Variants in SLC5A10 observed in about 807,000 individuals in gnomAD.
SLC5A10 encodes the protein solute carrier family 5 member 10.
Under a neutral mutation model 68.9 loss-of-function variants are expected in SLC5A10, and 55 were observed. The ratio of observed to expected loss-of-function variants is 0.80; its 90% CI spans 0.64 to 1.00. The LOEUF (loss-of-function observed/expected upper bound fraction) is 1.00, where lower values mean the gene tolerates loss of function less well. Among genes scored for constraint, SLC5A10 ranks in the 50% least tolerant of loss-of-function variants. The probability of loss-of-function intolerance (pLI) is 0.00; values close to 1 mark genes in which losing one functional copy is unlikely to be tolerated. For missense variants in SLC5A10, 732 were observed against 819.3 expected (o/e 0.89, Z 1.30); for synonymous variants, 344 against 344.8 (o/e 1.00, Z 0.02).
At chr17:18,961,393 C>G (rs1329413999) in intron 5 of SLC5A10, among the ~76,000 whole-genome samples, 1 of 152,108 alleles carries the variant, frequency 6.6e-6, no homozygotes, top group Non-Finnish European at 1.5e-5. Flanking sequence ...CTGACACTAG[C>G]CCCTGCGACC....
chr17:18,974,011 GCCT>G (rs1339567904), intron 8 of SLC5A10, among the ~76,000 whole-genome samples: 1 of 149,836 alleles, frequency 6.7e-6, no homozygotes, highest in Non-Finnish European at 1.5e-5. Flanking sequence ...TCCTGCCTCA[GCCT>G]CCTAAGTAGT....
At position 18,971,288 on chromosome 17, in the gene SLC5A10, C is replaced by T; in HGVS notation, c.846+70C>T. On this transcript the variant is annotated intron_variant, in intron 8 of 14. Transcript: ENST00000395645. The surrounding 1 kb of genome is among the most constrained non-coding windows in gnomAD (Gnocchi z 5.5). The stretch of plus-strand genomic sequence containing the variant: ...AGTGGGCTCTGGTAGGCCCAGGCGG[C>T]CTGTCTGCCCTCCGCGTCATGAGTC... The T allele has an allele frequency of 6.2e-7, 1 of 1,609,502 alleles. No individual in the cohort carries two copies. The highest frequency in any genetic ancestry group is 8.5e-7 in the Non-Finnish European group (1 of 1,176,924).
At position 19,004,390 on chromosome 17, in the gene SLC5A10, T is replaced by A. The variant is rs2043823530; in HGVS notation, c.983-9020T>A. Reference sequence around the variant, plus strand: ...GCCACGTCCCAGGGCTCAGCGTGCCTCTACGTGCAGGGAACCCATATCCCA... The same window carrying A: ...GCCACGTCCCAGGGCTCAGCGTGCCACTACGTGCAGGGAACCCATATCCCA... On this transcript the variant is annotated intron_variant, in intron 9 of 14. Coordinates refer to ENST00000395645, the MANE Select transcript of SLC5A10 (RefSeq NM_001042450.4). This position sits in a 1 kb window ranked among gnomAD's most constrained non-coding sequence, Gnocchi z 5.4. Among the ~76,000 whole-genome samples the A allele has an allele frequency of 6.6e-6, 1 of 152,092 alleles. No homozygotes were observed. The highest frequency in any genetic ancestry group is 2.1e-4 in the South Asian group (1 of 4,830).
At position 19,020,681 on chromosome 17, in the gene SLC5A10, G is replaced by A. The variant is rs912063036; in HGVS notation, c.*250G>A. 1.8e-5 allele frequency: 10 copies of A among 544,440 alleles called. No individual in the cohort carries two copies. The highest frequency in any genetic ancestry group is 3.8e-5 in the African/African-American group (2 of 52,878). The allele number at this position is 544,440 out of a possible 1,614,324, so 33.7% of individuals were successfully genotyped here. On this transcript the variant is annotated 3_prime_UTR_variant, in exon 15 of 15. Coordinates refer to ENST00000395645, the MANE Select transcript of SLC5A10 (RefSeq NM_001042450.4). The stretch of plus-strand genomic sequence containing the variant: ...TTGGAAGGAAAATTAGATTTCTGAC[G>A]GACATCCTGATGTTGGTTTTACTGT...
rs2044168230 is a variant in SLC5A10 at position 19,017,622 on chromosome 17, C to T, written c.1242-1801C>T. 1.9e-6 allele frequency: 1 copy of T among 527,794 alleles called. No individual in the cohort carries two copies. Among genetic ancestry groups the T allele is most frequent in the Non-Finnish European group, 3.4e-6 (1 of 291,132 alleles). The allele number at this position is 527,794 out of a possible 1,614,324, so 32.7% of individuals were successfully genotyped here. A position where few individuals can be genotyped will look rare whatever the true frequency, so the allele number is the denominator to read the frequency against. Reference sequence around the variant, plus strand: ...CCCGTATGCCTGCCCCAAGCCCCCACACCTCAGTCCACTGTTCCGCCACTG... The same window carrying T: ...CCCGTATGCCTGCCCCAAGCCCCCATACCTCAGTCCACTGTTCCGCCACTG... On this transcript the variant is annotated intron_variant, in intron 11 of 14. Coordinates refer to ENST00000395645, the MANE Select transcript of SLC5A10 (RefSeq NM_001042450.4). This position sits in a 1 kb window ranked among gnomAD's most constrained non-coding sequence, Gnocchi z 5.6.
chr17:19,015,206 G>T lies in SLC5A10; in HGVS notation c.1241+7G>T. The T allele has an allele frequency of 1.4e-6, 2 of 1,469,320 alleles. No individual in the cohort carries two copies. The highest frequency in any genetic ancestry group is 4.5e-5 in the East Asian group (2 of 44,426). 91.0% of individuals were successfully genotyped at this position (1,469,320 alleles called of 1,614,324 possible). ...AGCTCCTGCTGGTGGGACGGTACGGGGGTGGGGGCCAGTACGGGGGTGGGG... is the reference window on the plus strand; with the variant it reads ...AGCTCCTGCTGGTGGGACGGTACGGTGGTGGGGGCCAGTACGGGGGTGGGG... On this transcript the variant is annotated splice_region_variant and intron_variant, in intron 11 of 14. Coordinates refer to ENST00000395645, the MANE Select transcript of SLC5A10 (RefSeq NM_001042450.4).
chr17:18,982,507 G>A (rs1388714302), intron 9 of SLC5A10, among the ~76,000 whole-genome samples: 1 of 152,246 alleles, frequency 6.6e-6, no homozygotes, highest in Non-Finnish European at 1.5e-5. Flanking sequence ...CAAGAGGGGT[G>A]CCCTGGAAAA....
intron 9 of SLC5A10, among the ~76,000 whole-genome samples, chr17:18,984,152 C>T (rs983477302): frequency 2.0e-5 from 3 of 152,004 alleles, no homozygotes; most frequent in African/African-American, 7.2e-5. Flanking sequence ...ACCATCCTGG[C>T]TAACACGGTG....
intron 9 of SLC5A10, among the ~76,000 whole-genome samples, chr17:19,005,443 T>C (rs2043858641): frequency 6.6e-6 from 1 of 152,102 alleles, no homozygotes; most frequent in Non-Finnish European, 1.5e-5. Context: ...AGGCAGGCTT[T>C]GAGGGTGGGA....
chr17:18,975,980 G>A (rs1302296238), intron 8 of SLC5A10: 2 of 151,980 alleles, frequency 1.3e-5, no homozygotes, highest in African/African-American at 4.8e-5. Context: ...GAGGTCAGGA[G>A]ATCAAGACCA....
chr17:19,021,873 C>T lies in SLC5A10; in HGVS notation c.*1442C>T, dbSNP rs1200913076. ...AGGCCGTCCACTGAGCCCCGTGTGACTCTGACAGAGCTGGGGGTGTCCATG... is the reference window on the plus strand; with the variant it reads ...AGGCCGTCCACTGAGCCCCGTGTGATTCTGACAGAGCTGGGGGTGTCCATG... On this transcript the variant is annotated 3_prime_UTR_variant, in exon 15 of 15. Transcript: ENST00000395645. This position sits in a 1 kb window ranked among gnomAD's most constrained non-coding sequence, Gnocchi z 4.1. 1 of 1,353,740 alleles carries T rather than the reference C, an allele frequency of 7.4e-7. No homozygotes were observed. The highest frequency in any genetic ancestry group is 3.3e-5 in the Admixed American group (1 of 30,186). The allele number at this position is 1,353,740 out of a possible 1,614,324, so 83.9% of individuals were successfully genotyped here. A position where few individuals can be genotyped will look rare whatever the true frequency, so the allele number is the denominator to read the frequency against.
At chr17:19,011,525 A>G (rs566291887) in intron 9 of SLC5A10, among the ~76,000 whole-genome samples, 1 of 152,094 alleles carries the variant, frequency 6.6e-6, no homozygotes, top group African/African-American at 2.4e-5. Flanking sequence ...AGGTGGGGGT[A>G]GGGAGGAGGG....
At position 19,003,606 on chromosome 17, in the gene SLC5A10, G is replaced by A. The variant is rs373051640; in HGVS notation, c.983-9804G>A. The A allele has an allele frequency of 3.7e-6, 6 of 1,611,240 alleles. No homozygotes were observed. In the African/African-American group the frequency reaches 4.0e-5, roughly 11 times the overall value. ...GGGGGCTGCATGTAGACGCTAGCCC[G>A]GGTCACGCCGCGGTAGGCGATGGTG... On this transcript the variant is annotated intron_variant, in intron 9 of 14. Coordinates refer to ENST00000395645, the MANE Select transcript of SLC5A10 (RefSeq NM_001042450.4). The surrounding 1 kb of genome is among the most constrained non-coding windows in gnomAD (Gnocchi z 4.5).
chr17:18,952,100 T>C, upstream of SLC5A10: 3 of 1,482,258 alleles, frequency 2.0e-6, no homozygotes, highest in South Asian at 1.3e-5. Context: ...GATGCCACTG[T>C]CCGCTTGGTT....
intron 9 of SLC5A10, among the ~76,000 whole-genome samples, chr17:18,987,544 T>C (rs890247325): frequency 6.6e-6 from 1 of 151,744 alleles, no homozygotes; most frequent in African/African-American, 2.4e-5. Flanking sequence ...GTTGGACCAA[T>C]GAGATCCTGT....
In SLC5A10 at chr17:19,019,243, G is replaced by A. The variant is rs140115535; in HGVS notation, c.1242-180G>A. 7.3e-5 allele frequency: 50 copies of A among 682,092 alleles called. No individual in the cohort carries two copies. The East Asian group carries it at 1.4e-3, about 18-fold the overall frequency. The allele number at this position is 682,092 out of a possible 1,614,324, so 42.3% of individuals were successfully genotyped here. ...CTGCAGGATCCAGGGAGCCACCAAA[G>A]GGTTTGGAGCAGGGCAGGACTGGCC... is the stretch of plus-strand genomic sequence containing the variant. On this transcript the variant is annotated intron_variant, in intron 11 of 14. Transcript: ENST00000395645.
rs748136761 is a variant in SLC5A10, at chr17:19,003,843, T to G, written c.983-9567T>G. 3.7e-6 allele frequency: 6 copies of G among 1,612,984 alleles called. No homozygotes were observed. In the East Asian group the frequency reaches 1.3e-4, roughly 36 times the overall value. On this transcript the variant is annotated intron_variant, in intron 9 of 14. Coordinates refer to ENST00000395645, the MANE Select transcript of SLC5A10 (RefSeq NM_001042450.4). The surrounding 1 kb of genome is among the most constrained non-coding windows in gnomAD (Gnocchi z 4.5). ...TCGTACACCTCGATGGTCTCCAGGATGCGCTTGAGCTCCAGCTCCGAGAGG... is the reference window on the plus strand; with the variant it reads ...TCGTACACCTCGATGGTCTCCAGGAGGCGCTTGAGCTCCAGCTCCGAGAGG...
In SLC5A10 at chr17:18,971,690, A is replaced by G. The variant is rs772307364; in HGVS notation, c.846+472A>G. The stretch of plus-strand genomic sequence containing the variant: ...AGAGCGGTACCTAGGGGGTCCTGGG[A>G]AGCCGTCTTTATCCCTAGTCCCTGA... On this transcript the variant is annotated intron_variant, in intron 8 of 14. Transcript: ENST00000395645. The surrounding 1 kb of genome is among the most constrained non-coding windows in gnomAD (Gnocchi z 5.5). 3.7e-6 allele frequency: 6 copies of G among 1,608,326 alleles called. No homozygotes were observed. The highest frequency in any genetic ancestry group is 1.7e-4 in the Middle Eastern group (1 of 6,040).
At chr17:18,984,859 C>T (rs1267381941) in intron 9 of SLC5A10, among the ~76,000 whole-genome samples, 3 of 152,228 alleles carry the variant, frequency 2.0e-5, no homozygotes, top group Non-Finnish European at 1.5e-5. Context: ...TTGGGGTGGT[C>T]ATTCCCATAC....
Sources: allele counts gnomAD v4.1 joint callset (sites outside exome capture counted in the v4.1 genomes callset), GRCh38; gene constraint gnomAD v4.1.1; non-coding constraint Gnocchi (gnomAD v3.1); transcripts MANE v1.5; gene names NCBI Gene and HGNC (gene_info 2026-07-23, HGNC 2026-07-21).